The following DENND2B variants were observed in gnomAD, a reference collection of about 807,000 sequenced individuals.
The protein encoded by DENND2B is DENN domain containing 2B, also known as DENN domain-containing protein 2B.
Under a neutral mutation model 116.0 loss-of-function variants are expected in DENND2B, and 32 were observed. The ratio of observed to expected loss-of-function variants is 0.28; its 90% confidence interval spans 0.21 to 0.37. The LOEUF is 0.37. Among genes scored for constraint, DENND2B ranks in the 10% least tolerant of loss-of-function variants. The probability of loss-of-function intolerance (pLI) is 1.00; values close to 1 mark genes in which losing one functional copy is unlikely to be tolerated. For missense variants in DENND2B, 1,276 were observed against 1,477.7 expected, an observed-to-expected ratio of 0.86 and a Z score of 2.24; for synonymous variants, 588 against 583.9, an observed-to-expected ratio of 1.01 and a Z score of -0.10.
At chr11:8,800,166 C>G (rs1368410870) in intron 1 of DENND2B, among the ~76,000 whole-genome samples, 1 of 152,000 alleles carries the variant, frequency 6.6e-6, no homozygotes, top group Non-Finnish European at 1.5e-5. Flanking sequence ...GTTGCCCAGG[C>G]TGGTTTCAAA....
intron 1 of DENND2B, chr11:8,785,644 G>C (rs1184226767): frequency 6.6e-6 from 1 of 152,236 alleles, no homozygotes; most frequent in Non-Finnish European, 1.5e-5. Flanking sequence ...CAGTCGCACA[G>C]ATAAGGCAAA....
intron 1 of DENND2B, among the ~76,000 whole-genome samples, chr11:8,799,164 T>C (rs1406820883): frequency 6.6e-6 from 1 of 152,184 alleles, no homozygotes; most frequent in Non-Finnish European, 1.5e-5. Flanking sequence ...CACTTCCCCC[T>C]GGGTACTTAT....
upstream of DENND2B, among the ~76,000 whole-genome samples, chr11:8,875,098 C>T (rs1250728145): frequency 1.3e-5 from 2 of 152,116 alleles, no homozygotes; most frequent in South Asian, 2.1e-4. Context: ...CCGAGGAGGG[C>T]AGATCACAAG....
At chr11:8,705,020 G>C (rs2042354132) in intron 13 of DENND2B, among the ~76,000 whole-genome samples, 1 of 152,046 alleles carries the variant, frequency 6.6e-6, no homozygotes, top group Non-Finnish European at 1.5e-5. Flanking sequence ...TTTCTACTTT[G>C]AGAAAATCAA....
At chr11:8,833,708 C>T (rs1011297923) in intron 4 of DENND2B, among the ~76,000 whole-genome samples, 1 of 152,156 alleles carries the variant, frequency 6.6e-6, no homozygotes, top group Non-Finnish European at 1.5e-5. Flanking sequence ...TGGACACCCC[C>T]ACATGCAGGA....
In DENND2B at chr11:8,696,481, G is replaced by C; in HGVS notation, c.3238C>G (p.Gln1080Glu). 6.2e-7 allele frequency: 1 copy of C among 1,614,134 alleles called. No individual in the cohort carries two copies. The highest frequency in any genetic ancestry group is 8.5e-7 in the Non-Finnish European group (1 of 1,180,026). Residue 1080 changes from glutamine to glutamate, a missense_variant, in exon 18 of 20, where the codon CAG becomes GAG. Around this residue, in one of 2 missense-constraint regions of DENND2B, gnomAD observed 420 missense variants for 631.1 expected, o/e 0.67. Transcript: ENST00000313726. ...TCTTGGATGAAGCCAGCAAACATCT[G>C]AGACTCCATAAAAACCTCAAGAAAG... ...RRFLEVFMES[Q>E]MFAGFIQDRE...
chr11:8,784,908 C>T (rs146904921), intron 1 of DENND2B, among the ~76,000 whole-genome samples: 13 of 151,958 alleles, frequency 8.6e-5, no homozygotes, highest in Middle Eastern at 3.2e-3. Flanking sequence ...AATCATAAGC[C>T]GATCTTGTGT....
At chr11:8,699,018 C>G (rs1441321111) in intron 15 of DENND2B, 44 bp from the exon 16 acceptor site, 1 of 1,608,444 alleles carries the variant, frequency 6.2e-7, no homozygotes. Context: ...GGCATGAGTC[C>G]CGCAATGCCC....
intron 3 of DENND2B, among the ~76,000 whole-genome samples, chr11:8,854,289 C>A (rs531125883): frequency 1.3e-5 from 2 of 152,068 alleles, no homozygotes; most frequent in African/African-American, 2.4e-5. Flanking sequence ...GCAACCTCCA[C>A]CTCCTGGGTT....
intron 11 of DENND2B, among the ~76,000 whole-genome samples, chr11:8,709,101 C>G (rs1199884447): frequency 6.6e-6 from 1 of 152,224 alleles, no homozygotes; most frequent in Non-Finnish European, 1.5e-5. Context: ...GGGAGCAGAG[C>G]AGCAGGTGCT....
chr11:8,843,751 G>T (rs951124857), intron 3 of DENND2B, among the ~76,000 whole-genome samples: 12 of 152,098 alleles, frequency 7.9e-5, no homozygotes, highest in Non-Finnish European at 1.0e-4. Flanking sequence ...TTTCCCCCAA[G>T]GTTGATCCTG....
intron 4 of DENND2B, chr11:8,718,976 A>G: frequency 2.0e-6 from 2 of 986,956 alleles, no homozygotes; most frequent in Non-Finnish European, 2.4e-6. Flanking sequence ...CCCTCTCTGC[A>G]CCCCTTTCCC....
In DENND2B at chr11:8,750,646, T is replaced by C. The variant is rs1593140412; in HGVS notation, c.55A>G (p.Lys19Glu). The C allele has an allele frequency of 6.2e-7, 1 of 1,614,156 alleles. No homozygotes were observed. Among genetic ancestry groups the C allele is most frequent in the East Asian group, 2.2e-5 (1 of 44,872 alleles). The change falls in exon 2 of 20, where the codon AAA (lysine) becomes GAA (glutamate). Residue 19 changes from lysine to glutamate, a missense_variant. Transcript: ENST00000313726. ...SSITHGAGGT[K>E]APRGTLSRSQ... ...CTGCTCAGAGTCCCCCGAGGGGCTT[T>C]AGTGCCACCAGCTCCGTGGGTGATG...
chr11:8,706,779 C>G (rs2042673718), intron 13 of DENND2B, among the ~76,000 whole-genome samples: 1 of 152,200 alleles, frequency 6.6e-6, no homozygotes, highest in Non-Finnish European at 1.5e-5. Context: ...GCTCTGAGGT[C>G]TGGCGCAATC....
chr11:8,727,988 C>T (rs893135808), intron 3 of DENND2B, among the ~76,000 whole-genome samples: 1 of 142,122 alleles, frequency 7.0e-6, no homozygotes. Flanking sequence ...CACACACACA[C>T]ACACACACAC....
intron 14 of DENND2B, chr11:8,700,064 T>TGGG (rs36089509): frequency 1.4e-5 from 6 of 443,324 alleles, no homozygotes; most frequent in Non-Finnish European, 2.7e-5. Context: ...GGAGCTGGCC[T>TGGG]GGGGGGGGGC....
chr11:8,712,808 G>C lies in DENND2B; in HGVS notation c.1988-73C>G. 6.8e-7 allele frequency: 1 copy of C among 1,471,036 alleles called. No individual in the cohort carries two copies. The highest frequency in any genetic ancestry group is 9.1e-7 in the Non-Finnish European group (1 of 1,099,238). 91.1% of individuals were successfully genotyped at this position (1,471,036 alleles called of 1,614,324 possible). Reference sequence around the variant, plus strand: ...TTAACTCCTCTACCCCTGGCTCAGGGCTCCATTGCTGTGGAGCACTTTTAA... The same window carrying C: ...TTAACTCCTCTACCCCTGGCTCAGGCCTCCATTGCTGTGGAGCACTTTTAA... On this transcript the variant is annotated intron_variant, in intron 8 of 19. Coordinates refer to ENST00000313726, the MANE Select transcript of DENND2B (RefSeq NM_213618.2). This position sits in a 1 kb window ranked among gnomAD's most constrained non-coding sequence, Gnocchi z 4.4.
At chr11:8,891,678 CA>C (rs1594347980) in intron 1 of DENND2B, among the ~76,000 whole-genome samples, 2 of 152,294 alleles carry the variant, frequency 1.3e-5, no homozygotes, top group East Asian at 3.9e-4. Context: ...ATCAATTCAA[CA>C]AGAAGAGCTA....
chr11:8,872,259 G>A (rs2063792439), upstream of DENND2B, among the ~76,000 whole-genome samples: 1 of 152,062 alleles, frequency 6.6e-6, no homozygotes, highest in African/African-American at 2.4e-5. Flanking sequence ...GGCCAAGGTG[G>A]GCGGATCACT....
Sources: gnomAD v4.1 joint callset for allele counts (sites outside exome capture counted in the v4.1 genomes callset) on GRCh38, gnomAD v4.1.1 for gene constraint, gnomAD v4.1.1 regional missense constraint, Gnocchi (gnomAD v3.1) non-coding constraint, MANE v1.5 for transcripts, NCBI Gene and HGNC (gene_info 2026-07-23, HGNC 2026-07-21) for gene names.